AGBL4: variants seen among roughly 807,000 people sequenced by gnomAD.
AGBL4 encodes AGBL carboxypeptidase 4.
In AGBL4, 58 loss-of-function variants were observed where a neutral mutation model predicts 66.4. That is an observed-to-expected ratio of 0.87 (90% CI 0.71 to 1.09). AGBL4 has a LOEUF of 1.09. AGBL4 is among the 50% of genes least tolerant of loss of function. The probability of loss-of-function intolerance (pLI) is 0.00; values close to 1 mark genes in which losing one functional copy is unlikely to be tolerated. For missense variants in AGBL4, 579 were observed against 631.0 expected, an observed-to-expected ratio of 0.92 and a Z score of 0.88; for synonymous variants, 234 against 222.9, an observed-to-expected ratio of 1.05 and a Z score of -0.44.
chr1:49,445,819 C>A (rs1278416326), intron 3 of AGBL4, among the ~76,000 whole-genome samples: 1 of 151,784 alleles, frequency 6.6e-6, no homozygotes, highest in African/African-American at 2.4e-5. Flanking sequence ...ATCTCACTTA[C>A]CTTCTTTAAA....
intron 9 of AGBL4, among the ~76,000 whole-genome samples, chr1:48,622,092 C>T (rs1249751757): frequency 6.7e-6 from 1 of 148,338 alleles, no homozygotes; most frequent in African/African-American, 2.6e-5. Flanking sequence ...GCCACCCAGC[C>T]TTGCCTCCTG....
At chr1:48,960,702 A>C (rs6699910) in intron 5 of AGBL4, among the ~76,000 whole-genome samples, 26,436 of 152,196 alleles carry the variant, frequency 0.17, 4,534 homozygotes, top group African/African-American at 0.44. Flanking sequence ...TTATTACTTC[A>C]TCATGGAAAG....
chr1:49,643,216 G>A (rs1645818727), intron 3 of AGBL4, among the ~76,000 whole-genome samples: 1 of 151,686 alleles, frequency 6.6e-6, no homozygotes, highest in African/African-American at 2.4e-5. Context: ...CGCTGCATGG[G>A]AATAAAGCCA....
intron 6 of AGBL4, among the ~76,000 whole-genome samples, chr1:48,664,702 C>A (rs1646158681): frequency 6.6e-6 from 1 of 152,124 alleles, no homozygotes; most frequent in Non-Finnish European, 1.5e-5. Context: ...TTTGTCTCTG[C>A]AGAAGTCTAA....
intron 9 of AGBL4, among the ~76,000 whole-genome samples, chr1:48,618,148 C>T (rs147926105): frequency 9.2e-5 from 14 of 152,270 alleles, no homozygotes; most frequent in East Asian, 1.9e-4. Flanking sequence ...ATGGGAAGAT[C>T]GCTTGAGCTT....
intron 3 of AGBL4, among the ~76,000 whole-genome samples, chr1:49,267,512 C>A (rs957563453): frequency 1.3e-5 from 2 of 152,058 alleles, no homozygotes; most frequent in Admixed American, 6.5e-5. Flanking sequence ...AACCCTGTCT[C>A]TATTAAAAAT....
rs564584609 is a variant in AGBL4, at chr1:48,577,512, G to T, written c.1267+9492C>A. On this transcript the variant is annotated intron_variant, in intron 11 of 13. Transcript: ENST00000371839. Reference sequence around the variant, plus strand: ...AATTATGGCCATAAACTTGACAACAGCAGATAAAACCCTTAGAAACCTCAT... The same window carrying T: ...AATTATGGCCATAAACTTGACAACATCAGATAAAACCCTTAGAAACCTCAT... Among the ~76,000 whole-genome samples, 3 of 152,312 alleles carry T rather than the reference G, an allele frequency of 2.0e-5. No homozygotes were observed. The East Asian group carries it at 5.8e-4, about 29-fold the overall frequency.
chr1:48,561,334 A>G, intron 11 of AGBL4, among the ~76,000 whole-genome samples: 1 of 148,370 alleles, frequency 6.7e-6, no homozygotes, highest in Non-Finnish European at 1.5e-5. Flanking sequence ...AATAGATTGG[A>G]TTAGATTAAC....
intron 5 of AGBL4, among the ~76,000 whole-genome samples, chr1:48,914,885 T>C (rs1173356642): frequency 6.6e-6 from 1 of 152,106 alleles, no homozygotes; most frequent in Non-Finnish European, 1.5e-5. Flanking sequence ...GCCAAGAACT[T>C]TCATATATCT....
chr1:49,479,028 C>T (rs969105662), intron 3 of AGBL4, among the ~76,000 whole-genome samples: 1 of 151,576 alleles, frequency 6.6e-6, no homozygotes. Context: ...TACCACCCGA[C>T]AAAATCATAC....
chr1:49,802,741 C>T (rs1170521721), intron 2 of AGBL4, among the ~76,000 whole-genome samples: 2 of 152,278 alleles, frequency 1.3e-5, no homozygotes, highest in African/African-American at 2.4e-5. Context: ...CGGTGACCCC[C>T]CTGGACCCAG....
At chr1:48,580,019 A>G (rs1644715905) in intron 11 of AGBL4, among the ~76,000 whole-genome samples, 1 of 152,128 alleles carries the variant, frequency 6.6e-6, no homozygotes, top group South Asian at 2.1e-4. Context: ...AGATCTCAAG[A>G]CTATAGACAT....
chr1:48,836,821 T>C (rs1321959719), intron 6 of AGBL4, among the ~76,000 whole-genome samples: 1 of 152,084 alleles, frequency 6.6e-6, no homozygotes, highest in African/African-American at 2.4e-5. Flanking sequence ...AGTGTTTAAA[T>C]AGACTTAGAT....
chr1:48,736,152 T>C lies in AGBL4; in HGVS notation c.635-72911A>G, dbSNP rs1280813036. ...GTCTGGCATGCAGAAGCTTCATAAG[T>C]AATCGTTGAATTGAATTGTGCCTAA... On this transcript the variant is annotated intron_variant, in intron 6 of 13. Coordinates refer to ENST00000371839, the MANE Select transcript of AGBL4 (RefSeq NM_032785.4). This position sits in a 1 kb window ranked among gnomAD's most constrained non-coding sequence, Gnocchi z 4.0. The C allele has an allele frequency of 1.4e-6, 2 of 1,441,166 alleles. No homozygotes were observed. The highest frequency in any genetic ancestry group is 1.9e-6 in the Non-Finnish European group (2 of 1,029,534). 89.3% of individuals were successfully genotyped at this position (1,441,166 alleles called of 1,614,324 possible). A position where few individuals can be genotyped will look rare whatever the true frequency, so the allele number is the denominator to read the frequency against.
intron 3 of AGBL4, among the ~76,000 whole-genome samples, chr1:49,375,518 C>T (rs954155326): frequency 6.6e-6 from 1 of 151,980 alleles, no homozygotes; most frequent in Non-Finnish European, 1.5e-5. Context: ...TGCATGTAGA[C>T]ATTCTATTAA....
At chr1:49,914,723 T>C (rs1376263307) in intron 1 of AGBL4, among the ~76,000 whole-genome samples, 1 of 152,204 alleles carries the variant, frequency 6.6e-6, no homozygotes, top group African/African-American at 2.4e-5. Flanking sequence ...TTAATTCATT[T>C]TCTGCTGCTA....
At chr1:49,887,849 T>C (rs1033090878) in intron 1 of AGBL4, among the ~76,000 whole-genome samples, 2 of 152,102 alleles carry the variant, frequency 1.3e-5, no homozygotes, top group Non-Finnish European at 2.9e-5. Flanking sequence ...TACATTCCTC[T>C]TACAAATTAA....
chr1:49,907,939 C>T (rs1332211873), intron 1 of AGBL4, among the ~76,000 whole-genome samples: 4 of 151,320 alleles, frequency 2.6e-5, no homozygotes, highest in East Asian at 1.9e-4. Context: ...TTTAATTTTG[C>T]GATAACCTAA....
chr1:48,693,950 G>A (rs1646674435), intron 6 of AGBL4, among the ~76,000 whole-genome samples: 1 of 151,376 alleles, frequency 6.6e-6, no homozygotes, highest in Non-Finnish European at 1.5e-5. Context: ...TGACCTGCAT[G>A]GGCTATACTC....
Sources: allele counts gnomAD v4.1 joint callset (sites outside exome capture counted in the v4.1 genomes callset), GRCh38; gene constraint gnomAD v4.1.1; non-coding constraint Gnocchi (gnomAD v3.1); transcripts MANE v1.5; gene names NCBI Gene and HGNC (gene_info 2026-07-23, HGNC 2026-07-21).